The following SH2D1A variants were observed in gnomAD, a reference collection of about 807,000 sequenced individuals.
SH2D1A encodes SH2 domain containing 1A, also known as SH2 domain-containing protein 1A.
Under a neutral mutation model 10.1 loss-of-function variants are expected in SH2D1A, and 6 were observed. The observed-to-expected ratio is 0.60, with a 90% CI of 0.33 to 1.18. The LOEUF (loss-of-function observed/expected upper bound fraction) is 1.18, where lower values mean the gene tolerates loss of function less well. Among genes scored for constraint, SH2D1A ranks in the 50% most tolerant of loss-of-function variants. The pLI, the probability that SH2D1A is intolerant of heterozygous loss-of-function variation, is 0.04. For synonymous variants in SH2D1A, 42 were observed against 36.9 expected (o/e 1.14, Z -0.51); for missense variants, 51 against 97.6 (o/e 0.52, Z 2.01).
At chrX:124,352,229 C>T (rs1372874950) in intron 1 of SH2D1A, among the ~76,000 whole-genome samples, 1 of 110,506 alleles carries the variant, frequency 9.0e-6, no homozygotes, top group Non-Finnish European at 1.9e-5. Flanking sequence ...AGCAATTGTC[C>T]TAATATAATT....
At chrX:124,359,119 G>A (rs1203174419) in intron 1 of SH2D1A, among the ~76,000 whole-genome samples, 1 of 111,474 alleles carries the variant, frequency 9.0e-6, no homozygotes, top group Non-Finnish European at 1.9e-5. Flanking sequence ...TATTAGATGA[G>A]TTAATCATGA....
At chrX:124,365,201 A>G (rs1237517996) in intron 1 of SH2D1A, among the ~76,000 whole-genome samples, 1 of 110,566 alleles carries the variant, frequency 9.0e-6, no homozygotes, top group Admixed American at 9.7e-5. Flanking sequence ...TAAGTGATGC[A>G]TGACTGTGGC....
intron 1 of SH2D1A, among the ~76,000 whole-genome samples, chrX:124,349,361 T>G: frequency 8.9e-6 from 1 of 111,884 alleles, no homozygotes; most frequent in Admixed American, 9.5e-5. Flanking sequence ...TCATTCCCTC[T>G]TTTTGGTGCT....
At chrX:124,346,948 C>T (rs1603236502) in intron 1 of SH2D1A, among the ~76,000 whole-genome samples, 169 bp downstream of exon 1, 2 of 112,004 alleles carry the variant, frequency 1.8e-5, no homozygotes, top group East Asian at 5.7e-4. Flanking sequence ...GTGGAACACA[C>T]TTTCGCCTCA....
chrX:124,352,801 A>T (rs961813190), intron 1 of SH2D1A, among the ~76,000 whole-genome samples: 8 of 111,290 alleles, frequency 7.2e-5, no homozygotes, highest in African/African-American at 2.3e-4. Context: ...GGATTCCTCA[A>T]TCATATGGAG....
chrX:124,371,995 T>C lies in SH2D1A; in HGVS notation c.*604T>C, dbSNP rs2060070595. 1 of 157,751 alleles carries C rather than the reference T, an allele frequency of 6.3e-6. No homozygotes were observed. 13.0% of individuals were successfully genotyped at this position (157,751 alleles called of 1,213,427 possible). A position where few individuals can be genotyped will look rare whatever the true frequency, so the allele number is the denominator to read the frequency against. Reference sequence around the variant, plus strand: ...GTAAAATCCACAGACCAACCTGGAGTTGAAAATCTTATAATTTAAAATATG... The same window carrying C: ...GTAAAATCCACAGACCAACCTGGAGCTGAAAATCTTATAATTTAAAATATG... On this transcript the variant is annotated 3_prime_UTR_variant, in exon 4 of 4. Transcript: ENST00000371139.
At position 124,372,101 on chromosome X, in the gene SH2D1A, T is replaced by C. The variant is rs2060070863; in HGVS notation, c.*710T>C. On this transcript the variant is annotated 3_prime_UTR_variant, in exon 4 of 4. Coordinates refer to ENST00000371139, the MANE Select transcript of SH2D1A (RefSeq NM_002351.5). ...CCAATGAAATGAGTTTTTCTTTTCA[T>C]TTACCTCTGCCCCAGTTGTTTCTAC... The C allele has an allele frequency of 6.2e-6, 1 of 160,736 alleles. No individual in the cohort carries two copies. The highest frequency in any genetic ancestry group is 8.3e-5 in the Admixed American group (1 of 12,024). The allele number at this position is 160,736 out of a possible 1,213,427, so 13.2% of individuals were successfully genotyped here.
intron 1 of SH2D1A, among the ~76,000 whole-genome samples, chrX:124,360,901 A>G (rs750915659): frequency 9.0e-6 from 1 of 111,466 alleles, no homozygotes; most frequent in South Asian, 3.7e-4. Context: ...CTGGGGATCT[A>G]GAATCAAATG....
intron 1 of SH2D1A, among the ~76,000 whole-genome samples, chrX:124,362,681 T>C (rs186725619): frequency 9.0e-6 from 1 of 111,678 alleles, no homozygotes; most frequent in Admixed American, 9.5e-5. Context: ...TAATTTCTTT[T>C]GAGGCCGTTG....
At chrX:124,369,776 C>G (rs1403079704) in intron 2 of SH2D1A, among the ~76,000 whole-genome samples, 1 of 109,775 alleles carries the variant, frequency 9.1e-6, no homozygotes, top group Non-Finnish European at 1.9e-5. Context: ...TATTAATGAC[C>G]TGTAGGATCT....
chrX:124,348,145 G>A (rs764948427), intron 1 of SH2D1A, among the ~76,000 whole-genome samples: 3 of 111,757 alleles, frequency 2.7e-5, no homozygotes, highest in Non-Finnish European at 5.6e-5. Flanking sequence ...AAGGCTTCAA[G>A]GGAAATACGT....
intron 2 of SH2D1A, among the ~76,000 whole-genome samples, chrX:124,366,876 AACACACACACACAC>A (rs59536671): frequency 1.6e-4 from 14 of 87,095 alleles, no homozygotes; most frequent in South Asian, 1.3e-3. Context: ...TATACTGACA[AACACACACACACAC>A]ACACACACAC....
intron 1 of SH2D1A, among the ~76,000 whole-genome samples, chrX:124,360,264 G>T (rs2147527810): frequency 9.3e-6 from 1 of 107,943 alleles, no homozygotes; most frequent in African/African-American, 3.4e-5. Flanking sequence ...ATCAAGTCAA[G>T]CATGACACTC....
intron 1 of SH2D1A, 138 bp downstream of exon 1, chrX:124,346,917 C>T (rs1188416999): frequency 3.0e-6 from 2 of 676,176 alleles, no homozygotes; most frequent in Non-Finnish European, 4.7e-6. Context: ...GGCCCACCCT[C>T]AAGTCCAGCC....
At chrX:124,360,937 T>C (rs1263027715) in intron 1 of SH2D1A, among the ~76,000 whole-genome samples, 1 of 111,689 alleles carries the variant, frequency 9.0e-6, no homozygotes, top group Admixed American at 9.6e-5. Context: ...CCATTTTTGC[T>C]TCTTAATCTC....
chrX:124,359,977 C>T (rs951185718), intron 1 of SH2D1A, among the ~76,000 whole-genome samples: 5 of 110,529 alleles, frequency 4.5e-5, no homozygotes, highest in South Asian at 4.0e-4. Flanking sequence ...GCGATCTCAG[C>T]GCACCGTAAC....
chrX:124,369,940 A>T (rs111631638), intron 2 of SH2D1A, among the ~76,000 whole-genome samples: 2 of 111,485 alleles, frequency 1.8e-5, no homozygotes, highest in African/African-American at 6.5e-5. Context: ...AGCTTGTACA[A>T]ACTAATACCA....
intron 2 of SH2D1A, among the ~76,000 whole-genome samples, chrX:124,369,828 TC>T (rs1436801715): frequency 1.8e-5 from 2 of 111,402 alleles, no homozygotes; most frequent in South Asian, 7.6e-4. Context: ...TTTAACTGCA[TC>T]CCCTCTGTTG....
intron 2 of SH2D1A, among the ~76,000 whole-genome samples, chrX:124,368,973 G>C (rs754343741): frequency 2.7e-5 from 3 of 111,355 alleles, no homozygotes; most frequent in Admixed American, 9.6e-5. Context: ...AGCTGGGTGA[G>C]AGAGTGTTCT....
Sources: gnomAD v4.1 joint callset for allele counts (sites outside exome capture counted in the v4.1 genomes callset) on GRCh38, gnomAD v4.1.1 for gene constraint, MANE v1.5 for transcripts, NCBI Gene and HGNC (gene_info 2026-07-23, HGNC 2026-07-21) for gene names.